NUP210L: variants seen among roughly 807,000 people sequenced by gnomAD.
NUP210L encodes the protein nuclear pore membrane glycoprotein 210-like.
Under a neutral mutation model 208.5 loss-of-function variants are expected in NUP210L, and 74 were observed. The ratio of observed to expected loss-of-function variants is 0.35; its 90% CI spans 0.29 to 0.43. NUP210L has a LOEUF of 0.43. Ranked by LOEUF, NUP210L falls within the 20% of genes least tolerant of loss-of-function variation. The pLI, the probability that NUP210L is intolerant of heterozygous loss-of-function variation, is 1.00. For synonymous variants in NUP210L, 780 were observed against 816.9 expected, an observed-to-expected ratio of 0.95 and a Z score of 0.77; for missense variants, 1,843 against 2,289.4, an observed-to-expected ratio of 0.81 and a Z score of 3.98.
chr1:154,089,613 G>A lies in NUP210L; in HGVS notation c.2188-19C>T. On this transcript the variant is annotated intron_variant, in intron 15 of 39. Coordinates refer to ENST00000368559, the Ensembl canonical transcript of NUP210L. ...TGAGAACCTTTAAGGAAGTCACAGA[G>A]CAAGAGATAATTGTGGGTAGATACT... The A allele has an allele frequency of 1.9e-6, 3 of 1,608,236 alleles. No individual in the cohort carries two copies. Among genetic ancestry groups the A allele is most frequent in the South Asian group, 1.1e-5 (1 of 90,946 alleles).
At chr1:154,098,196 T>G (rs1656268915) in intron 14 of NUP210L, among the ~76,000 whole-genome samples, 1 of 152,204 alleles carries the variant, frequency 6.6e-6, no homozygotes, top group Non-Finnish European at 1.5e-5. Context: ...ACGCTGCCAC[T>G]GGGGAACACA....
At chr1:154,121,959 A>C (rs1037214428) in intron 10 of NUP210L, among the ~76,000 whole-genome samples, 2 of 152,150 alleles carry the variant, frequency 1.3e-5, no homozygotes, top group Non-Finnish European at 2.9e-5. Context: ...AAATGAATGA[A>C]ATAGAAAACA....
intron 3 of NUP210L, 111 bp downstream of exon 3, chr1:154,143,335 A>G: frequency 1.3e-6 from 1 of 797,574 alleles, no homozygotes; most frequent in Non-Finnish European, 2.0e-6. Flanking sequence ...GAGAAAATAG[A>G]TATTACTTCT....
chr1:154,089,455 T>G (rs770612226), exon 16 of NUP210L: 10 of 1,614,062 alleles, frequency 6.2e-6, no homozygotes, highest in Admixed American at 1.7e-5. Flanking sequence ...AGGACATGGC[T>G]GGGCACCAGC....
rs186347624 is a variant in NUP210L at position 154,067,167 on chromosome 1, T to C, written c.2554+3106A>G. On this transcript the variant is annotated intron_variant, in intron 17 of 39. Coordinates refer to ENST00000368559, the Ensembl canonical transcript of NUP210L. ...AAAGAGAATTTTAGACCAATATCCC[T>C]GATGGACATTGATGAGAAAATCCTC... Among the ~76,000 whole-genome samples the C allele has an allele frequency of 3.4e-4, 52 of 152,244 alleles. No homozygotes were observed. In the East Asian group the frequency reaches 0.01, roughly 29 times the overall value.
At chr1:154,092,128 T>G (rs1655955151) in intron 15 of NUP210L, among the ~76,000 whole-genome samples, 2 of 145,836 alleles carry the variant, frequency 1.4e-5, no homozygotes, top group African/African-American at 5.1e-5. Context: ...CAGGCTGGAG[T>G]GCAGTGGCAT....
In NUP210L at chr1:154,070,281, C is replaced by T. The variant is rs772097997; in HGVS notation, c.2546G>A (p.Arg849Gln). 4.4e-6 allele frequency: 7 copies of T among 1,588,070 alleles called. No individual in the cohort carries two copies. Among genetic ancestry groups the T allele is most frequent in the South Asian group, 2.3e-5 (2 of 85,872 alleles). ...GTATATTTTCACAATACCATGTAAC[C>T]GGGTCTGCCCACTGCCATCATCTTT... is the stretch of plus-strand genomic sequence containing the variant. The change falls in exon 17 of 40, where the codon CGG becomes CAG. Residue 849 changes from arginine (R) to glutamine (Q), a missense_variant. This residue lies in a region of NUP210L where 408 missense variants were observed against 600.8 expected (regional missense o/e 0.68). Coordinates refer to ENST00000368559, the Ensembl canonical transcript of NUP210L.
intron 17 of NUP210L, among the ~76,000 whole-genome samples, chr1:154,068,990 AAAAG>A (rs1029677709): frequency 2.0e-5 from 3 of 152,080 alleles, no homozygotes; most frequent in African/African-American, 7.2e-5. Flanking sequence ...ATAAAATAAA[AAAAG>A]AAAGAAAGCT....
intron 38 of NUP210L, among the ~76,000 whole-genome samples, chr1:153,994,841 G>A (rs867494068): frequency 5.3e-5 from 8 of 151,016 alleles, no homozygotes; most frequent in Admixed American, 6.6e-5. Flanking sequence ...GTGAAACCCC[G>A]TCTCTACTAA....
chr1:154,023,116 C>G lies in NUP210L; in HGVS notation c.4298+6G>C. The G allele has an allele frequency of 6.2e-7, 1 of 1,612,536 alleles. No individual in the cohort carries two copies. Among genetic ancestry groups the G allele is most frequent in the African/African-American group, 1.3e-5 (1 of 74,986 alleles). On this transcript the variant is annotated splice_donor_region_variant and intron_variant, in intron 31 of 39. Transcript: ENST00000368559. ...AGTGTCAATACCATTCCTTTGACTT[C>G]CATACCTGTTCAGAGCCAGATAAAG...
intron 21 of NUP210L, 22 bp from the exon 22 acceptor site, chr1:154,058,238 A>G: frequency 6.2e-7 from 1 of 1,612,492 alleles, no homozygotes; most frequent in Non-Finnish European, 8.5e-7. Context: ...AAAGAAAAAG[A>G]TTTTAGCAAA....
chr1:154,073,301 C>T lies in NUP210L; in HGVS notation c.2362-2836G>A, dbSNP rs760439167. Among the ~76,000 whole-genome samples the T allele has an allele frequency of 7.2e-5, 11 of 152,022 alleles. No homozygotes were observed. In the South Asian group the frequency reaches 8.3e-4, roughly 11 times the overall value. Reference sequence around the variant, plus strand: ...CTGTGTTGCCAGGGCTGGTCTTGAACTCCTGGGCTCAAGCAATCCTCCCAC... The same window carrying T: ...CTGTGTTGCCAGGGCTGGTCTTGAATTCCTGGGCTCAAGCAATCCTCCCAC... On this transcript the variant is annotated intron_variant, in intron 16 of 39. Coordinates refer to ENST00000368559, the Ensembl canonical transcript of NUP210L.
chr1:154,064,979 G>A (rs1654323538), intron 17 of NUP210L, among the ~76,000 whole-genome samples: 1 of 152,014 alleles, frequency 6.6e-6, no homozygotes, highest in African/African-American at 2.4e-5. Flanking sequence ...GGGAGGCTGA[G>A]GCAGGAGAAT....
At chr1:154,079,390 G>A (rs1237312818) in intron 16 of NUP210L, 1 of 152,022 alleles carries the variant, frequency 6.6e-6, no homozygotes, top group African/African-American at 2.4e-5. Flanking sequence ...CCAACTAGCT[G>A]GGACTACAGG....
intron 30 of NUP210L, 131 bp downstream of exon 30, chr1:154,025,411 C>A (rs1427786488): frequency 6.4e-3 from 1,202 of 188,098 alleles, no homozygotes; most frequent in Middle Eastern, 0.013. Context: ...GTTTCTAATT[C>A]TTTTCTTTTT....
At chr1:154,015,906 CAATA>C (rs71584164) in intron 33 of NUP210L, among the ~76,000 whole-genome samples, 33,024 of 133,652 alleles carry the variant, frequency 0.25, 4,230 homozygotes, top group South Asian at 0.28. Context: ...GACCCTGTCT[CAATA>C]AATAAATAAA....
intron 2 of NUP210L, among the ~76,000 whole-genome samples, chr1:154,145,284 G>A (rs1182233338): frequency 6.6e-6 from 1 of 151,842 alleles, no homozygotes; most frequent in Non-Finnish European, 1.5e-5. Flanking sequence ...CGGGCGTGGT[G>A]GTGCACGCCT....
chr1:154,140,562 G>A (rs1451958359), intron 4 of NUP210L, among the ~76,000 whole-genome samples: 1 of 150,476 alleles, frequency 6.6e-6, no homozygotes, highest in African/African-American at 2.4e-5. Context: ...AGCTACTCAG[G>A]AGACTGAGGC....
intron 27 of NUP210L, among the ~76,000 whole-genome samples, chr1:154,036,344 GTGTGTGTGTGTGTGTGTA>G (rs1242813871): frequency 6.7e-5 from 9 of 134,312 alleles, no homozygotes; most frequent in Non-Finnish European, 1.0e-4. Flanking sequence ...GTGTGTGTGT[GTGTGTGTGTGTGTGTGTA>G]TAACTTTTTT....
Sources: allele counts gnomAD v4.1 joint callset (sites outside exome capture counted in the v4.1 genomes callset), GRCh38; gene constraint gnomAD v4.1.1; regional missense constraint gnomAD v4.1.1; transcripts MANE v1.5; gene names NCBI Gene and HGNC (gene_info 2026-07-23, HGNC 2026-07-21).